ZMAT4: variants seen among roughly 807,000 people sequenced by gnomAD.
The protein encoded by ZMAT4 is zinc finger matrin-type protein 4.
A neutral mutation model predicts 28.7 loss-of-function variants in ZMAT4; 17 were observed. The ratio of observed to expected loss-of-function variants is 0.59; its 90% CI spans 0.41 to 0.89. The LOEUF is 0.89. Among genes scored for constraint, ZMAT4 ranks in the 40% least tolerant of loss-of-function variants. The probability of loss-of-function intolerance (pLI) is 0.00; values close to 1 mark genes in which losing one functional copy is unlikely to be tolerated. For synonymous variants in ZMAT4, 117 were observed against 109.2 expected, an observed-to-expected ratio of 1.07 and a Z score of -0.44; for missense variants, 240 against 283.8, an observed-to-expected ratio of 0.85 and a Z score of 1.11.
intron 2 of ZMAT4, among the ~76,000 whole-genome samples, chr8:40,796,621 C>T (rs1334036422): frequency 1.3e-5 from 2 of 152,156 alleles, no homozygotes; most frequent in African/African-American, 4.8e-5. Context: ...CCCTTAAATG[C>T]ACTACTTAGA....
chr8:40,557,844 T>C (rs1803597626), intron 6 of ZMAT4, among the ~76,000 whole-genome samples: 1 of 152,036 alleles, frequency 6.6e-6, no homozygotes. Flanking sequence ...AGATGATAGA[T>C]GGATAGATGA....
intron 2 of ZMAT4, among the ~76,000 whole-genome samples, chr8:40,803,642 G>GTACAC (rs1160960898): frequency 3.9e-5 from 6 of 152,146 alleles, no homozygotes; most frequent in African/African-American, 1.4e-4. Flanking sequence ...ATGTAAAATG[G>GTACAC]TACAGCCACT....
chr8:40,877,507 A>C (rs1370146349), intron 1 of ZMAT4, among the ~76,000 whole-genome samples: 1 of 152,182 alleles, frequency 6.6e-6, no homozygotes, highest in African/African-American at 2.4e-5. Flanking sequence ...AATTTAATTC[A>C]GCACCATGCC....
chr8:40,676,311 A>C (rs1410051236), intron 4 of ZMAT4, among the ~76,000 whole-genome samples: 1 of 152,190 alleles, frequency 6.6e-6, no homozygotes, highest in Non-Finnish European at 1.5e-5. Context: ...TCTATTTCAT[A>C]TAGGATTTCA....
chr8:40,550,588 G>A (rs192188553), intron 6 of ZMAT4, among the ~76,000 whole-genome samples: 175 of 152,248 alleles, frequency 1.1e-3, no homozygotes, highest in Middle Eastern at 3.4e-3. Context: ...ATTGGATCAT[G>A]AGGGTGGTTT....
chr8:40,601,452 G>A (rs1230305396), intron 5 of ZMAT4, among the ~76,000 whole-genome samples: 4,655 of 48,950 alleles, frequency 0.095, 559 homozygotes, highest in East Asian at 0.27. Context: ...AAGGAAGGAA[G>A]GAAGGGAGGA....
rs536885319 is a variant in ZMAT4, at chr8:40,743,081, G to C, written c.192+24560C>G. Among the ~76,000 whole-genome samples the C allele has an allele frequency of 1.2e-4, 18 of 152,112 alleles. 1 individual carries two copies. The South Asian group carries it at 3.7e-3, about 32-fold the overall frequency. ...AAAAATACAAAAATTATCCAGGCAT[G>C]GTGGCAGGCACCTATAATCCCAGCT... is the stretch of plus-strand genomic sequence containing the variant. On this transcript the variant is annotated intron_variant, in intron 3 of 6. Transcript: ENST00000297737.
intron 5 of ZMAT4, among the ~76,000 whole-genome samples, chr8:40,599,172 A>G (rs377215408): frequency 4.6e-5 from 7 of 152,126 alleles, no homozygotes; most frequent in African/African-American, 1.7e-4. Flanking sequence ...ATTACACTTT[A>G]GTCATCTAAC....
chr8:40,532,182 A>T lies in ZMAT4; in HGVS notation c.*41T>A. On this transcript the variant is annotated 3_prime_UTR_variant, in exon 7 of 7. Coordinates refer to ENST00000297737, the MANE Select transcript of ZMAT4 (RefSeq NM_024645.3). ...GATAAGCAATTCTCCACGGCAGAGA[A>T]ATGCTAATGTTTTGTTCTTATGTCT... 2 of 1,558,310 alleles carry T rather than the reference A, an allele frequency of 1.3e-6. No individual in the cohort carries two copies. Among genetic ancestry groups the T allele is most frequent in the South Asian group, 2.5e-5 (2 of 80,844 alleles).
chr8:40,722,936 A>G (rs556153457), intron 3 of ZMAT4, among the ~76,000 whole-genome samples: 5 of 152,158 alleles, frequency 3.3e-5, no homozygotes, highest in Admixed American at 2.6e-4. Flanking sequence ...CATGTACAAG[A>G]AAAGGTTTTC....
At chr8:40,549,129 G>A (rs1452876553) in intron 6 of ZMAT4, among the ~76,000 whole-genome samples, 1 of 152,122 alleles carries the variant, frequency 6.6e-6, no homozygotes, top group Non-Finnish European at 1.5e-5. Flanking sequence ...TGCCATGTAA[G>A]GACCCAACAA....
intron 5 of ZMAT4, among the ~76,000 whole-genome samples, chr8:40,582,399 C>T (rs547221179): frequency 6.6e-6 from 1 of 152,078 alleles, no homozygotes; most frequent in Non-Finnish European, 1.5e-5. Context: ...ACTCAGGAGG[C>T]TGAGAGCCCA....
At chr8:40,800,657 T>C (rs1814795442) in intron 2 of ZMAT4, among the ~76,000 whole-genome samples, 1 of 75,578 alleles carries the variant, frequency 1.3e-5, no homozygotes, top group Non-Finnish European at 3.2e-5. Context: ...GAATAACACA[T>C]GGGTCAAAAA....
intron 5 of ZMAT4, among the ~76,000 whole-genome samples, chr8:40,648,510 G>A (rs369248129): frequency 6.6e-6 from 1 of 150,378 alleles, no homozygotes; most frequent in African/African-American, 2.4e-5. Context: ...GCAGGATATT[G>A]TCCAGGAGAA....
At chr8:40,586,038 G>A (rs911570233) in intron 5 of ZMAT4, among the ~76,000 whole-genome samples, 2 of 152,172 alleles carry the variant, frequency 1.3e-5, no homozygotes, top group Admixed American at 6.5e-5. Context: ...GCGTGGGCAG[G>A]AAATATTTGG....
chr8:40,709,140 C>T (rs984749015), intron 3 of ZMAT4, among the ~76,000 whole-genome samples: 5 of 152,144 alleles, frequency 3.3e-5, no homozygotes, highest in African/African-American at 1.2e-4. Flanking sequence ...CTCCTGTAGA[C>T]TTTAAATCAT....
intron 3 of ZMAT4, among the ~76,000 whole-genome samples, chr8:40,706,845 TG>T (rs1585912013): frequency 6.6e-6 from 1 of 152,140 alleles, no homozygotes; most frequent in East Asian, 1.9e-4. Context: ...TGCAGGTAAG[TG>T]AAGATTCAGT....
intron 6 of ZMAT4, among the ~76,000 whole-genome samples, chr8:40,570,347 A>G (rs1399535157): frequency 6.6e-6 from 1 of 152,140 alleles, no homozygotes. Flanking sequence ...ATCAAATTGT[A>G]TAACTGAAAT....
chr8:40,692,030 G>T (rs992742674), intron 4 of ZMAT4, among the ~76,000 whole-genome samples: 1 of 152,126 alleles, frequency 6.6e-6, no homozygotes, highest in Non-Finnish European at 1.5e-5. Flanking sequence ...AATAACCAAG[G>T]TAACTAAATT....
Sources: allele counts gnomAD v4.1 joint callset (sites outside exome capture counted in the v4.1 genomes callset), GRCh38; gene constraint gnomAD v4.1.1; transcripts MANE v1.5; gene names NCBI Gene and HGNC (gene_info 2026-07-23, HGNC 2026-07-21).